The following MAN2A2 variants were observed in gnomAD, a reference collection of about 807,000 sequenced individuals.
MAN2A2 encodes the protein mannosidase alpha class 2A member 2.
MAN2A2 carries 79 observed loss-of-function variants against 126.8 expected under a neutral mutation model. That is an observed-to-expected ratio of 0.62 (90% CI 0.52 to 0.75). The LOEUF (loss-of-function observed/expected upper bound fraction) is 0.75. Among genes scored for constraint, MAN2A2 ranks in the 30% least tolerant of loss-of-function variants. The pLI is 0.00. For synonymous variants in MAN2A2, 671 were observed against 618.7 expected (o/e 1.08, Z -1.25); for missense variants, 1,392 against 1,522.4 (o/e 0.91, Z 1.43).
In MAN2A2 at chr15:90,920,178, G is replaced by A. The variant is rs2035480387; in HGVS notation, c.*391G>A. On this transcript the variant is annotated 3_prime_UTR_variant, in exon 23 of 23. Coordinates refer to ENST00000559717, the MANE Select transcript of MAN2A2 (RefSeq NM_006122.4). ...CTAAGTGGGTAACAGCCCAGCATCAGGGTCACTGTGGCAACAGCAGGCTCT... is the reference window on the plus strand; with the variant it reads ...CTAAGTGGGTAACAGCCCAGCATCAAGGTCACTGTGGCAACAGCAGGCTCT... The A allele has an allele frequency of 4.9e-6, 1 of 205,700 alleles. No individual in the cohort carries two copies. The highest frequency in any genetic ancestry group is 8.8e-5 in the South Asian group (1 of 11,304). 12.7% of individuals were successfully genotyped at this position (205,700 alleles called of 1,614,324 possible). A position where few individuals can be genotyped will look rare whatever the true frequency, so the allele number is the denominator to read the frequency against.
chr15:90,907,613 A>G, intron 8 of MAN2A2, 118 bp downstream of exon 8: 1 of 908,374 alleles, frequency 1.1e-6, no homozygotes, highest in Admixed American at 2.8e-5. Context: ...CCTCTGCAGC[A>G]GCAGCTCCTT....
At chr15:90,903,776 T>C in intron 1 of MAN2A2, 2 of 296,890 alleles carry the variant, frequency 6.7e-6, no homozygotes, top group South Asian at 6.1e-5. Context: ...AGAAAGGCTT[T>C]CCTATCAGTC....
At position 90,910,593 on chromosome 15, in the gene MAN2A2, C is replaced by A; in HGVS notation, c.1670C>A (p.Thr557Lys). The A allele has an allele frequency of 6.2e-7, 1 of 1,614,160 alleles. No individual in the cohort carries two copies. Among genetic ancestry groups the A allele is most frequent in the South Asian group, 1.1e-5 (1 of 91,084 alleles). ...RYPLSDFTLLTEARRTLGLFQ... is the reference protein window; with the variant it reads ...RYPLSDFTLLKEARRTLGLFQ... ...CCACTGTCTGATTTCACCCTCCTGA[C>A]GGAAGCTCGGCGCACATTGGGGCTC... is the stretch of plus-strand genomic sequence containing the variant. The change falls in exon 11 of 23, where the codon ACG (threonine) becomes AAG (lysine). Residue 557 changes from threonine (T) to lysine (K), a missense_variant. Transcript: ENST00000559717.
At position 90,911,450 on chromosome 15, in the gene MAN2A2, C is replaced by T. The variant is rs1423992414; in HGVS notation, c.2009C>T (p.Ser670Phe). ...AGCATGGTGTCCCTGCTGGTCAACT[C>T]TCCCCGCGTGCGTGTCCTTTCGGAG... ...RFSMVSLLVN[S>F]PRVRVLSEEG... Residue 670 changes from serine to phenylalanine, a missense_variant, in exon 14 of 23, where the codon TCT becomes TTT. Ser to Phe is a radical substitution (Grantham distance 155, BLOSUM62 -2). Coordinates refer to ENST00000559717, the MANE Select transcript of MAN2A2 (RefSeq NM_006122.4). 6.2e-7 allele frequency: 1 copy of T among 1,614,130 alleles called. No homozygotes were observed. The highest frequency in any genetic ancestry group is 1.3e-5 in the African/African-American group (1 of 74,942).
intron 7 of MAN2A2, 160 bp from the exon 8 acceptor site, chr15:90,907,149 C>T (rs2034361313): frequency 1.1e-5 from 9 of 835,696 alleles, no homozygotes; most frequent in Non-Finnish European, 1.5e-5. Context: ...CCTGAGGGAG[C>T]CCCTCATGTC....
Position 90,904,293 on chromosome 15 carries a change from T to G in MAN2A2, c.86T>G (p.Val29Gly), listed in dbSNP as rs755729151. 20 of 1,614,116 alleles carry G rather than the reference T, an allele frequency of 1.2e-5. No homozygotes were observed. Among genetic ancestry groups the G allele is most frequent in the Non-Finnish European group, 1.7e-5 (20 of 1,180,020 alleles). ...VFSLYLMLDR[V>G]QHDPTRHQNG... The stretch of plus-strand genomic sequence containing the variant: ...TCGCTCTACCTCATGCTGGACCGAG[T>G]GCAACACGATCCCACCCGACACCAG... Residue 29 changes from valine (V) to glycine (G), a missense_variant, in exon 2 of 23, where the codon GTG becomes GGG. Val to Gly is a moderately radical substitution (Grantham distance 109, BLOSUM62 -3). Coordinates refer to ENST00000559717, the MANE Select transcript of MAN2A2 (RefSeq NM_006122.4).
In MAN2A2 at chr15:90,910,176, T is replaced by G; in HGVS notation, c.1461T>G (p.Pro487=). The G allele has an allele frequency of 6.2e-7, 1 of 1,614,200 alleles. No individual in the cohort carries two copies. The highest frequency in any genetic ancestry group is 8.5e-7 in the Non-Finnish European group (1 of 1,180,026). Residue 487 remains proline (P), a synonymous_variant, in exon 10 of 23, where the codon CCT becomes CCG. Coordinates refer to ENST00000559717, the MANE Select transcript of MAN2A2 (RefSeq NM_006122.4). ...VEPGARPPGF[P]VLSGDFFSYA... ...CAGGGGCCCGGCCTCCAGGGTTTCC[T>G]GTGCTGAGCGGGGATTTCTTCTCCT...
At chr15:90,909,526 G>A in intron 9 of MAN2A2, 22 bp downstream of exon 9, 3 of 1,599,380 alleles carry the variant, frequency 1.9e-6, no homozygotes, top group South Asian at 1.1e-5. Context: ...ACTTGACTGG[G>A]GAGGGGCCTC....
At chr15:90,905,216 G>C in intron 2 of MAN2A2, 35 bp from the exon 3 acceptor site, 4 of 1,602,790 alleles carry the variant, frequency 2.5e-6, no homozygotes, top group Non-Finnish European at 2.5e-6. Flanking sequence ...GTGGCATAAG[G>C]AGCTGTGTGT....
chr15:90,919,527 CT>C, intron 22 of MAN2A2, 107 bp from the exon 23 acceptor site: 2 of 1,363,292 alleles, frequency 1.5e-6, no homozygotes, highest in Non-Finnish European at 2.0e-6. Flanking sequence ...GTGTGAGCCA[CT>C]GCCCCTGGCT....
In MAN2A2 at chr15:90,907,437, A is replaced by G. The variant is rs1424610265; in HGVS notation, c.1138A>G (p.Ile380Val). The G allele has an allele frequency of 3.1e-6, 5 of 1,613,988 alleles. No homozygotes were observed. Among genetic ancestry groups the G allele is most frequent in the South Asian group, 1.1e-5 (1 of 91,086 alleles). ...FDFKRLPGGR[I>V]NCPWKVPPRA... is the part of the protein sequence containing the mutation. ...TTTCAAACGCCTGCCTGGTGGGCGC[A>G]TCAACTGCCCTTGGAAGGTGCCACC... Residue 380 changes from isoleucine to valine, a missense_variant, in exon 8 of 23, where the codon ATC (isoleucine) becomes GTC (valine). Physicochemically the swap from Ile to Val is conservative, Grantham distance 29. Transcript: ENST00000559717.
At position 90,910,244 on chromosome 15, in the gene MAN2A2, C is replaced by T; in HGVS notation, c.1529C>T (p.Ser510Phe). 1.2e-6 allele frequency: 2 copies of T among 1,614,194 alleles called. No individual in the cohort carries two copies. Among genetic ancestry groups the T allele is most frequent in the Non-Finnish European group, 1.7e-6 (2 of 1,180,036 alleles). Reference protein sequence around the residue: ...EDHYWTGYYTSRPFYKSLDRV... With the variant: ...EDHYWTGYYTFRPFYKSLDRV... ...CATTACTGGACAGGCTATTACACTT[C>T]CCGGCCCTTCTACAAGAGCTTAGAC... The change falls in exon 10 of 23, where the codon TCC (serine) becomes TTC (phenylalanine). Residue 510 changes from serine to phenylalanine, a missense_variant. By Grantham distance (155) the Ser-to-Phe change is radical. Coordinates refer to ENST00000559717, the MANE Select transcript of MAN2A2 (RefSeq NM_006122.4).
rs141242339 is a variant in MAN2A2 at position 90,906,752 on chromosome 15, G to A, written c.848G>A (p.Arg283His). 240 of 1,612,282 alleles carry A rather than the reference G, an allele frequency of 1.5e-4. 2 individuals are homozygous for A. In the African/African-American group the frequency reaches 1.7e-3, roughly 12 times the overall value. Residue 283 changes from arginine to histidine, a missense_variant, in exon 7 of 23, where the codon CGC (arginine) becomes CAC (histidine). Arg to His is a conservative substitution (Grantham distance 29, BLOSUM62 0). Transcript: ENST00000559717. ...ATGCCCTGCCCAGGTGCAACCCCCC[G>A]CTCTGGCTGGGCAGTGGACCCCTTT... ...WLERNLGATP[R>H]SGWAVDPFGY...
In MAN2A2 at chr15:90,920,003, A is replaced by G; in HGVS notation, c.*216A>G. 1.8e-6 allele frequency: 1 copy of G among 559,978 alleles called. No homozygotes were observed. Among genetic ancestry groups the G allele is most frequent in the South Asian group, 2.2e-5 (1 of 45,822 alleles). The allele number at this position is 559,978 out of a possible 1,614,324, so 34.7% of individuals were successfully genotyped here. A position where few individuals can be genotyped will look rare whatever the true frequency, so the allele number is the denominator to read the frequency against. ...AAATAGGGCAGACGCCAGTGAGATC[A>G]GGGAGAGAAGGCCCTTGGTCAGAGT... is the stretch of plus-strand genomic sequence containing the variant. On this transcript the variant is annotated 3_prime_UTR_variant, in exon 23 of 23. Transcript: ENST00000559717.
rs969274233 is a variant in MAN2A2 at position 90,907,256 on chromosome 15, C to G, written c.1010-53C>G. On this transcript the variant is annotated intron_variant, in intron 7 of 22. Coordinates refer to ENST00000559717, the MANE Select transcript of MAN2A2 (RefSeq NM_006122.4). ...TTAGCCTGAACAGATCCTTGCCCCC[C>G]TGGCGTCCAGAGGCTGCCTGCTGGT... 18 of 1,557,844 alleles carry G rather than the reference C, an allele frequency of 1.2e-5. No individual in the cohort carries two copies. The African/African-American group carries it at 1.4e-4, about 12-fold the overall frequency.
At position 90,905,503 on chromosome 15, in the gene MAN2A2, C is replaced by G; in HGVS notation, c.385C>G (p.Leu129Val). The G allele has an allele frequency of 6.2e-7, 1 of 1,614,094 alleles. No homozygotes were observed. Among genetic ancestry groups the G allele is most frequent in the Non-Finnish European group, 8.5e-7 (1 of 1,180,034 alleles). ...ALGGRGQKPE[L>V]QMLTVSEELP... ...GGGGGGCCGGGGTCAGAAGCCAGAG[C>G]TGCAGGTAAGAGTCAGAGCTGGCAG... The change falls in exon 3 of 23, where the codon CTG becomes GTG. Residue 129 changes from leucine (L) to valine (V), a missense_variant. Transcript: ENST00000559717.
Position 90,911,518 on chromosome 15 carries a change from T to C in MAN2A2, c.2077T>C (p.Ser693Pro). ...CGTGCAGATCAGCGCACACTGGAGC[T>C]CTGCCACCGAGGCGGTCCCTGACGT... is the stretch of plus-strand genomic sequence containing the variant. ...LAVQISAHWS[S>P]ATEAVPDVYQ... The change falls in exon 14 of 23, where the codon TCT (serine) becomes CCT (proline). Residue 693 changes from serine (S) to proline (P), a missense_variant. By Grantham distance (74) the Ser-to-Pro change is moderately conservative. Transcript: ENST00000559717. The C allele has an allele frequency of 6.2e-7, 1 of 1,613,568 alleles. No homozygotes were observed. The highest frequency in any genetic ancestry group is 8.5e-7 in the Non-Finnish European group (1 of 1,179,834).
rs1414618308 is a variant in MAN2A2, at chr15:90,904,233, T to C, written c.26T>C (p.Val9Ala). The C allele has an allele frequency of 2.5e-6, 4 of 1,614,004 alleles. No homozygotes were observed. The African/African-American group carries it at 5.3e-5, about 22-fold the overall frequency. MKLKKQVT[V>A]CGAAIFCVAV... ...ATGAAGCTGAAAAAGCAGGTGACAG[T>C]GTGTGGGGCTGCCATCTTCTGTGTG... The change falls in exon 2 of 23, where the codon GTG (valine) becomes GCG (alanine). Residue 9 changes from valine (V) to alanine (A), a missense_variant. By Grantham distance (64) the Val-to-Ala change is moderately conservative. Coordinates refer to ENST00000559717, the MANE Select transcript of MAN2A2 (RefSeq NM_006122.4).
At chr15:90,912,450 C>T (rs887876599) in intron 15 of MAN2A2, 92 bp from the exon 16 acceptor site, 17 of 1,591,488 alleles carry the variant, frequency 1.1e-5, no homozygotes, top group Middle Eastern at 1.9e-4. Context: ...AAGCAGGGCA[C>T]GGCTCCTTGG....
Sources: allele counts gnomAD v4.1 joint callset, GRCh38; gene constraint gnomAD v4.1.1; transcripts MANE v1.5; gene names NCBI Gene and HGNC (gene_info 2026-07-23, HGNC 2026-07-21).